Variants in GLIPR1 observed in about 807,000 individuals in gnomAD.
GLIPR1 encodes GLI pathogenesis related 1.
Under a neutral mutation model 30.3 loss-of-function variants are expected in GLIPR1, and 38 were observed. The ratio of observed to expected loss-of-function variants is 1.26; its 90% CI spans 0.97 to 1.65. GLIPR1 has a LOEUF of 1.65. GLIPR1 is among the 40% of genes most tolerant of loss of function. GLIPR1 has a pLI of 0.00. For missense variants in GLIPR1, 285 were observed against 326.5 expected, an observed-to-expected ratio of 0.87 and a Z score of 0.98; for synonymous variants, 122 against 110.6, an observed-to-expected ratio of 1.10 and a Z score of -0.65.
chr12:75,499,089 A>G lies in GLIPR1; in HGVS notation c.*111A>G, dbSNP rs1463973182. On this transcript the variant is annotated 3_prime_UTR_variant, in exon 6 of 6. Coordinates refer to ENST00000266659, the MANE Select transcript of GLIPR1 (RefSeq NM_006851.3). Reference sequence around the variant, plus strand: ...ATTTTAAAACATTTCAGAAAAAAATATATGTTATAGCAATACTCTTACTCA... The same window carrying G: ...ATTTTAAAACATTTCAGAAAAAAATGTATGTTATAGCAATACTCTTACTCA... 6 of 632,994 alleles carry G rather than the reference A, an allele frequency of 9.5e-6. No individual in the cohort carries two copies. Among genetic ancestry groups the G allele is most frequent in the Non-Finnish European group, 1.5e-5 (6 of 387,374 alleles). 39.2% of individuals were successfully genotyped at this position (632,994 alleles called of 1,614,324 possible).
chr12:75,487,816 C>G, intron 2 of GLIPR1: 1 of 455,902 alleles, frequency 2.2e-6, no homozygotes, highest in South Asian at 1.5e-5. Flanking sequence ...CAGGGTGAGT[C>G]CGTAAAGTGA....
chr12:75,498,479 TAA>T (rs1005454242), intron 4 of GLIPR1: 2 of 463,826 alleles, frequency 4.3e-6, no homozygotes, highest in African/African-American at 4.0e-5. Flanking sequence ...TTCCTTTTTA[TAA>T]AAGGTTTATA....
intron 3 of GLIPR1, chr12:75,491,159 T>G (rs1240751226): frequency 7.0e-6 from 1 of 142,476 alleles, no homozygotes; most frequent in South Asian, 2.3e-4. Context: ...TAAGTGATTT[T>G]AATCATAAAA....
intron 3 of GLIPR1, chr12:75,491,788 T>G (rs558638345): frequency 3.8e-4 from 58 of 152,280 alleles, no homozygotes; most frequent in African/African-American, 1.3e-3. Context: ...GATTTTCTTA[T>G]TTATAAAAGT....
rs1247624509 is a variant in GLIPR1 at position 75,497,786 on chromosome 12, T to C, written c.620-908T>C. 3.3e-5 allele frequency: 5 copies of C among 152,206 alleles called. No individual in the cohort carries two copies. In the East Asian group the frequency reaches 5.8e-4, roughly 18 times the overall value. 9.4% of individuals were successfully genotyped at this position (152,206 alleles called of 1,614,324 possible). Reference sequence around the variant, plus strand: ...ATACCCTTGGAGGCCAAATCAGGACTGTTTTACAAAATGTGCTGGGCATAT... The same window carrying C: ...ATACCCTTGGAGGCCAAATCAGGACCGTTTTACAAAATGTGCTGGGCATAT... On this transcript the variant is annotated intron_variant, in intron 4 of 5. Transcript: ENST00000266659.
intron 2 of GLIPR1, among the ~76,000 whole-genome samples, chr12:75,488,406 A>G (rs1306440553): frequency 1.3e-5 from 2 of 152,064 alleles, no homozygotes; most frequent in Admixed American, 6.6e-5. Context: ...GCATGGTGGC[A>G]CATGCCTGTA....
chr12:75,491,154 G>A (rs2046321535), intron 3 of GLIPR1: 1 of 146,940 alleles, frequency 6.8e-6, no homozygotes, highest in Non-Finnish European at 1.5e-5. Context: ...AATTTTAAGT[G>A]ATTTTAATCA....
At chr12:75,495,891 A>G in intron 4 of GLIPR1, 1 of 327,394 alleles carries the variant, frequency 3.1e-6, no homozygotes, top group Non-Finnish European at 5.5e-6. Context: ...AACAACAACA[A>G]AAAAAACTGT....
At chr12:75,487,482 A>T (rs2046298879) in intron 2 of GLIPR1, among the ~76,000 whole-genome samples, 1 of 152,234 alleles carries the variant, frequency 6.6e-6, no homozygotes, top group Non-Finnish European at 1.5e-5. Flanking sequence ...TTCAGGCTGG[A>T]GTTCCCCGCA....
rs545824259 is a variant in GLIPR1 at position 75,500,327 on chromosome 12, T to C, written c.*1349T>C. The C allele has an allele frequency of 6.3e-4, 98 of 154,784 alleles. No individual in the cohort carries two copies. Among genetic ancestry groups the C allele is most frequent in the Non-Finnish European group, 1.3e-3 (92 of 69,928 alleles). The allele number at this position is 154,784 out of a possible 1,614,324, so 9.6% of individuals were successfully genotyped here. On this transcript the variant is annotated 3_prime_UTR_variant, in exon 6 of 6. Coordinates refer to ENST00000266659, the MANE Select transcript of GLIPR1 (RefSeq NM_006851.3). ...ATATTTTGGAACTTCTGAGTCATTA[T>C]TTTCCATCTTGCACATTAAAATAAT...
At position 75,502,101 on chromosome 12, in the gene GLIPR1, A is replaced by G; in HGVS notation, c.*3123A>G. The G allele has an allele frequency of 1.1e-6, 1 of 883,582 alleles. No individual in the cohort carries two copies. The highest frequency in any genetic ancestry group is 1.8e-6 in the Non-Finnish European group (1 of 547,610). 54.7% of individuals were successfully genotyped at this position (883,582 alleles called of 1,614,324 possible). A position where few individuals can be genotyped will look rare whatever the true frequency, so the allele number is the denominator to read the frequency against. ...CCTTAGGGTAAAAACAATGGGGTCA[A>G]ACTGATTTATTAATAAAAATGGTAG... On this transcript the variant is annotated 3_prime_UTR_variant, in exon 6 of 6. Transcript: ENST00000266659.
At position 75,500,121 on chromosome 12, in the gene GLIPR1, A is replaced by G. The variant is rs2046381410; in HGVS notation, c.*1143A>G. The G allele has an allele frequency of 2.1e-6, 1 of 474,026 alleles. No homozygotes were observed. The highest frequency in any genetic ancestry group is 4.2e-5 in the Admixed American group (1 of 23,656). The allele number at this position is 474,026 out of a possible 1,614,324, so 29.4% of individuals were successfully genotyped here. A position where few individuals can be genotyped will look rare whatever the true frequency, so the allele number is the denominator to read the frequency against. On this transcript the variant is annotated 3_prime_UTR_variant, in exon 6 of 6. Coordinates refer to ENST00000266659, the MANE Select transcript of GLIPR1 (RefSeq NM_006851.3). The stretch of plus-strand genomic sequence containing the variant: ...ATAAAATATAAAAACACTTGCCTAA[A>G]GCAGTTAGAAATTTCTTCAGATTAA...
Position 75,500,029 on chromosome 12 carries a change from A to AAT in GLIPR1, c.*1056_*1057dup. ...AACAAAGAATATATGTTTAACAAAG[A>AAT]ATATATGTTTAAGGCAGTTAACTTC... On this transcript the variant is annotated 3_prime_UTR_variant, in exon 6 of 6. Transcript: ENST00000266659. 8.6e-7 allele frequency: 1 copy of AAT among 1,163,302 alleles called. No homozygotes were observed. The highest frequency in any genetic ancestry group is 2.6e-5 in the East Asian group (1 of 38,126). 72.1% of individuals were successfully genotyped at this position (1,163,302 alleles called of 1,614,324 possible).
intron 1 of GLIPR1, chr12:75,481,357 C>CTTTTTTTTTTTTTTTTTTTTTT (rs72137011): frequency 1.4e-5 from 2 of 144,300 alleles, no homozygotes; most frequent in Non-Finnish European, 2.8e-5. Flanking sequence ...ATTTGGTTTT[C>CTTTTTTTTTTTTTTTTTTTTTT]TTTTTTTTTT....
rs35207358 is a variant in GLIPR1 at position 75,499,698 on chromosome 12, CA to C, written c.*733del. The stretch of plus-strand genomic sequence containing the variant: ...CTCTTCTATGAACAACCACCACCAC[CA>C]AAAAAAAAAAAAGCCCTCAGAAAAT... On this transcript the variant is annotated 3_prime_UTR_variant, in exon 6 of 6. Coordinates refer to ENST00000266659, the MANE Select transcript of GLIPR1 (RefSeq NM_006851.3). 217,196 of 550,462 alleles carry C rather than the reference CA, an allele frequency of 0.39. 22,676 individuals carry two copies. Among genetic ancestry groups the C allele is most frequent in the Middle Eastern group, 0.48 (926 of 1,928 alleles). 34.1% of individuals were successfully genotyped at this position (550,462 alleles called of 1,614,324 possible).
rs1432814767 is a variant in GLIPR1 at position 75,502,544 on chromosome 12, C to G, written c.*3566C>G. On this transcript the variant is annotated 3_prime_UTR_variant, in exon 6 of 6. Coordinates refer to ENST00000266659, the MANE Select transcript of GLIPR1 (RefSeq NM_006851.3). ...AACATGTAAAATGTGTATAACTGAC[C>G]TGTCTCCCACTTACATAGCATTATT... The G allele has an allele frequency of 6.6e-6, 1 of 152,586 alleles. No homozygotes were observed. Among genetic ancestry groups the G allele is most frequent in the African/African-American group, 2.4e-5 (1 of 41,396 alleles). 9.5% of individuals were successfully genotyped at this position (152,586 alleles called of 1,614,324 possible). A position where few individuals can be genotyped will look rare whatever the true frequency, so the allele number is the denominator to read the frequency against.
chr12:75,501,497 C>G lies in GLIPR1; in HGVS notation c.*2519C>G, dbSNP rs1199075854. The G allele has an allele frequency of 8.4e-6, 4 of 477,836 alleles. No homozygotes were observed. The highest frequency in any genetic ancestry group is 7.9e-5 in the African/African-American group (4 of 50,852). 29.6% of individuals were successfully genotyped at this position (477,836 alleles called of 1,614,324 possible). ...CAAAGAGTCTTTTCCAAGCACAGAC[C>G]AGAGGTCAGGAGAGGACTGTCAATC... is the stretch of plus-strand genomic sequence containing the variant. On this transcript the variant is annotated 3_prime_UTR_variant, in exon 6 of 6. Coordinates refer to ENST00000266659, the MANE Select transcript of GLIPR1 (RefSeq NM_006851.3).
In GLIPR1 at chr12:75,482,903, C is replaced by T. The variant is rs959517037; in HGVS notation, c.420+824C>T. ...CTGGCCATCCTTGTCAAACCAATAA[C>T]GTACGGTACTTAACCTATAATTGAC... On this transcript the variant is annotated intron_variant, in intron 2 of 5. Coordinates refer to ENST00000266659, the MANE Select transcript of GLIPR1 (RefSeq NM_006851.3). Among the ~76,000 whole-genome samples the T allele has an allele frequency of 2.6e-5, 4 of 152,098 alleles. No individual in the cohort carries two copies. In the South Asian group the frequency reaches 8.3e-4, roughly 32 times the overall value.
At chr12:75,487,842 G>GA (rs1016615210) in intron 2 of GLIPR1, 1 of 455,230 alleles carries the variant, frequency 2.2e-6, no homozygotes, top group Non-Finnish European at 4.4e-6. Flanking sequence ...AGTTTATTAA[G>GA]AAAGAAAAGA....
Sources: gnomAD v4.1 joint callset for allele counts (sites outside exome capture counted in the v4.1 genomes callset) on GRCh38, gnomAD v4.1.1 for gene constraint, MANE v1.5 for transcripts, NCBI Gene and HGNC (gene_info 2026-07-23, HGNC 2026-07-21) for gene names.